The following PCSK9 variants were observed in gnomAD, a reference collection of about 807,000 sequenced individuals.
The protein encoded by PCSK9 is convertase subtilisin/kexin type 9 preproprotein.
Under a neutral mutation model 62.1 loss-of-function variants are expected in PCSK9, and 57 were observed. The observed-to-expected ratio is 0.92, with a 90% CI of 0.74 to 1.14. The LOEUF is 1.14. Ranked by LOEUF, PCSK9 falls within the 50% of genes most tolerant of loss-of-function variation. The pLI is 0.00. For missense variants in PCSK9, 870 were observed against 959.8 expected (o/e 0.91, Z 1.24); for synonymous variants, 387 against 409.4 (o/e 0.95, Z 0.66).
rs1644582643 is a variant in PCSK9 at position 55,039,687 on chromosome 1, C to A, written c.-151C>A. On this transcript the variant is annotated 5_prime_UTR_variant, in exon 1 of 12. Coordinates refer to ENST00000302118, the MANE Select transcript of PCSK9 (RefSeq NM_174936.4). ...TGCAGCAGCGGCTCCCAGCTCCCAG[C>A]CAGGATTCCGCGCGCCCCTTCACGC... 4 of 914,278 alleles carry A rather than the reference C, an allele frequency of 4.4e-6. No homozygotes were observed. The highest frequency in any genetic ancestry group is 5.3e-5 in the East Asian group (2 of 37,492). 56.6% of individuals were successfully genotyped at this position (914,278 alleles called of 1,614,324 possible). A position where few individuals can be genotyped will look rare whatever the true frequency, so the allele number is the denominator to read the frequency against.
intron 7 of PCSK9, among the ~76,000 whole-genome samples, chr1:55,057,753 A>G (rs1644726263): frequency 2.0e-5 from 3 of 152,178 alleles, no homozygotes. Flanking sequence ...CGAGGGTCAG[A>G]GAAGGCATCT....
At chr1:55,057,850 G>T (rs562491023) in intron 7 of PCSK9, among the ~76,000 whole-genome samples, 186 bp from the exon 8 acceptor site, 15 of 152,364 alleles carry the variant, frequency 9.8e-5, no homozygotes, top group African/African-American at 3.4e-4. Flanking sequence ...GCTTAGAGGT[G>T]TGAGAGGAGG....
intron 5 of PCSK9, 112 bp downstream of exon 5, chr1:55,052,903 C>A: frequency 5.2e-6 from 8 of 1,526,878 alleles, no homozygotes; most frequent in Non-Finnish European, 7.2e-6. Flanking sequence ...GCTGTGGCAG[C>A]CTCTGCCGCA....
chr1:55,061,232 C>T (rs1364335407), intron 10 of PCSK9, 143 bp from the exon 11 acceptor site: 8 of 944,848 alleles, frequency 8.5e-6, no homozygotes, highest in Non-Finnish European at 1.3e-5. Flanking sequence ...GTGCTCAGGC[C>T]AGCATCTCTT....
At position 55,040,055 on chromosome 1, in the gene PCSK9, A is replaced by G; in HGVS notation, c.207+11A>G. 6.4e-7 allele frequency: 1 copy of G among 1,555,176 alleles called. No homozygotes were observed. Among genetic ancestry groups the G allele is most frequent in the Non-Finnish European group, 8.7e-7 (1 of 1,150,002 alleles). ...CACCGCTGCGCCAAGGTGCGGGTGT[A>G]GGGATGGGAGGCCGGGGCGAACCCG... On this transcript the variant is annotated intron_variant, in intron 1 of 11. Transcript: ENST00000302118. The surrounding 1 kb of genome is among the most constrained non-coding windows in gnomAD (Gnocchi z 4.1).
chr1:55,054,391 ATAAG>A (rs914427032), intron 5 of PCSK9, among the ~76,000 whole-genome samples: 1 of 152,106 alleles, frequency 6.6e-6, no homozygotes, highest in Non-Finnish European at 1.5e-5. Flanking sequence ...TCAAAAATAA[ATAAG>A]TAAATAACTA....
chr1:55,054,898 A>G (rs1341859637), intron 5 of PCSK9, among the ~76,000 whole-genome samples: 5 of 152,028 alleles, frequency 3.3e-5, no homozygotes, highest in South Asian at 2.1e-4. Flanking sequence ...CCAGCTACTC[A>G]GGAGGCTGAG....
intron 6 of PCSK9, 57 bp downstream of exon 6, chr1:55,056,246 G>T: frequency 2.3e-6 from 2 of 877,906 alleles, no homozygotes; most frequent in African/African-American, 3.7e-5. Flanking sequence ...GCGGAGGGCG[G>T]AGGGAGGGCG....
At chr1:55,044,635 C>T (rs531634288) in intron 2 of PCSK9, among the ~76,000 whole-genome samples, 1 of 152,294 alleles carries the variant, frequency 6.6e-6, no homozygotes, top group Admixed American at 6.5e-5. Flanking sequence ...CACCTTCTAG[C>T]CCACCTCGTT....
intron 3 of PCSK9, among the ~76,000 whole-genome samples, chr1:55,050,405 C>T (rs186329941): frequency 6.6e-5 from 10 of 152,212 alleles, no homozygotes; most frequent in Non-Finnish European, 1.3e-4. Flanking sequence ...GAGCTCACAG[C>T]GCTCTCAGCC....
At position 55,059,587 on chromosome 1, in the gene PCSK9, C is replaced by T. The variant is rs751405776; in HGVS notation, c.1605C>T (p.Ser535=). ...GCCTGCTACCCCAGGCCAACTGCAG[C>T]GTCCACACAGCTCCACCAGCTGAGG... ...RCCLLPQANC[S]VHTAPPAEAS... The change falls in exon 10 of 12, where the codon AGC becomes AGT. Residue 535 remains serine, a synonymous_variant. Transcript: ENST00000302118. 9.0e-5 allele frequency: 140 copies of T among 1,553,596 alleles called. 1 individual carries two copies. The highest frequency in any genetic ancestry group is 1.1e-4 in the Non-Finnish European group (121 of 1,147,938).
chr1:55,056,012 A>C lies in PCSK9; in HGVS notation c.819A>C (p.Lys273Asn), dbSNP rs1453038620. The change falls in exon 6 of 12, where the codon AAA (lysine) becomes AAC (asparagine). Residue 273 changes from lysine to asparagine, a missense_variant. By Grantham distance (94) the Lys-to-Asn change is moderately conservative. Coordinates refer to ENST00000302118, the MANE Select transcript of PCSK9 (RefSeq NM_174936.4). ...GTLIGLEFIR[K>N]SQLVQPVGPL... Reference sequence around the variant, plus strand: ...TCCCAGGCCTGGAGTTTATTCGGAAAAGCCAGCTGGTCCAGCCTGTGGGGC... The same window carrying C: ...TCCCAGGCCTGGAGTTTATTCGGAACAGCCAGCTGGTCCAGCCTGTGGGGC... The C allele has an allele frequency of 1.2e-6, 2 of 1,610,074 alleles. No homozygotes were observed. The highest frequency in any genetic ancestry group is 1.7e-6 in the Non-Finnish European group (2 of 1,177,620).
chr1:55,057,503 C>T lies in PCSK9; in HGVS notation c.1169C>T (p.Ala390Val), dbSNP rs1313288327. ...VSQSGTSQAA[A>V]HVAGIAAMML... ...CAGAGTGGGACATCACAGGCTGCTGCCCACGTGGCTGGTAAGTCACCACCC... is the reference window on the plus strand; with the variant it reads ...CAGAGTGGGACATCACAGGCTGCTGTCCACGTGGCTGGTAAGTCACCACCC... Residue 390 changes from alanine to valine, a missense_variant, in exon 7 of 12, where the codon GCC becomes GTC. Coordinates refer to ENST00000302118, the MANE Select transcript of PCSK9 (RefSeq NM_174936.4). The T allele has an allele frequency of 3.7e-6, 6 of 1,611,666 alleles. No individual in the cohort carries two copies. Among genetic ancestry groups the T allele is most frequent in the African/African-American group, 2.7e-5 (2 of 74,876 alleles).
At position 55,058,990 on chromosome 1, in the gene PCSK9, C is replaced by T. The variant is rs537026366; in HGVS notation, c.1503+343C>T. On this transcript the variant is annotated intron_variant, in intron 9 of 11. Transcript: ENST00000302118. ...TCTGGACTCAGCCATCTCTAGGCCCCTCTCACTCAGGTGCTCCATGGTTCT... is the reference window on the plus strand; with the variant it reads ...TCTGGACTCAGCCATCTCTAGGCCCTTCTCACTCAGGTGCTCCATGGTTCT... 2.0e-5 allele frequency among the ~76,000 whole-genome samples: 3 copies of T among 152,356 alleles called. No homozygotes were observed. In the East Asian group the frequency reaches 5.8e-4, roughly 29 times the overall value.
In PCSK9 at chr1:55,058,189, C is replaced by G. The variant is rs769060209; in HGVS notation, c.1334C>G (p.Pro445Arg). Reference sequence around the variant, plus strand: ...ACCCCCAACCTGGTGGCCGCCCTGCCCCCCAGCACCCATGGGGCAGGTAAG... The same window carrying G: ...ACCCCCAACCTGGTGGCCGCCCTGCGCCCCAGCACCCATGGGGCAGGTAAG... ...VLTPNLVAAL[P>R]PSTHGAGWQL... Residue 445 changes from proline (P) to arginine (R), a missense_variant, in exon 8 of 12, where the codon CCC (proline) becomes CGC (arginine). By Grantham distance (103) the Pro-to-Arg change is moderately radical (BLOSUM62 -2). Transcript: ENST00000302118. 13 of 1,613,078 alleles carry G rather than the reference C, an allele frequency of 8.1e-6. No homozygotes were observed. Among genetic ancestry groups the G allele is most frequent in the Non-Finnish European group, 1.0e-5 (12 of 1,179,866 alleles).
At position 55,063,492 on chromosome 1, in the gene PCSK9, A is replaced by C. The variant is rs1325251210; in HGVS notation, c.1987A>C (p.Thr663Pro). ...TGTAGTCAGGAGCCGGGACGTCAGC[A>C]CTACAGGCAGCACCAGCGAAGGGGC... ...TCVVRSRDVS[T>P]TGSTSEGAVT... The change falls in exon 12 of 12, where the codon ACT becomes CCT. Residue 663 changes from threonine (T) to proline (P), a missense_variant. By Grantham distance (38) the Thr-to-Pro change is conservative. Transcript: ENST00000302118. The C allele has an allele frequency of 1.2e-6, 2 of 1,613,958 alleles. No individual in the cohort carries two copies. The highest frequency in any genetic ancestry group is 1.7e-5 in the Admixed American group (1 of 60,024).
intron 11 of PCSK9, among the ~76,000 whole-genome samples, chr1:55,062,627 G>C (rs1221523409): frequency 6.6e-6 from 1 of 152,246 alleles, no homozygotes; most frequent in African/African-American, 2.4e-5. Context: ...ATGAGGCAGA[G>C]AACATGTTCC....
chr1:55,048,210 T>C (rs1644647816), intron 3 of PCSK9, among the ~76,000 whole-genome samples: 1 of 152,122 alleles, frequency 6.6e-6, no homozygotes, highest in African/African-American at 2.4e-5. Flanking sequence ...AATCCCAGCC[T>C]CTGTCTTCAC....
chr1:55,063,338 CAT>C (rs1644776721), intron 11 of PCSK9, 29 bp from the exon 12 acceptor site: 3 of 1,608,600 alleles, frequency 1.9e-6, no homozygotes, highest in Non-Finnish European at 2.5e-6. Context: ...CCACGCTAGA[CAT>C]GTGCTTTCTT....
Sources: gnomAD v4.1 joint callset for allele counts (sites outside exome capture counted in the v4.1 genomes callset) on GRCh38, gnomAD v4.1.1 for gene constraint, Gnocchi (gnomAD v3.1) non-coding constraint, MANE v1.5 for transcripts, NCBI Gene and HGNC (gene_info 2026-07-23, HGNC 2026-07-21) for gene names.